The following FOXP1 variants were observed in gnomAD, a reference collection of about 807,000 sequenced individuals.
FOXP1 encodes the protein forkhead box protein P1.
In FOXP1, 15 loss-of-function variants were observed where a neutral mutation model predicts 98.2. That is an observed-to-expected ratio of 0.15 (90% CI 0.10 to 0.24). The LOEUF is 0.24. FOXP1 is among the 10% of genes least tolerant of loss of function. The pLI is 1.00. For synonymous variants in FOXP1, 371 were observed against 314.5 expected (o/e 1.18, Z -1.90); for missense variants, 633 against 848.5 (o/e 0.75, Z 3.15).
chr3:71,409,447 T>C (rs1325511345), intron 3 of FOXP1, among the ~76,000 whole-genome samples: 1 of 152,174 alleles, frequency 6.6e-6, no homozygotes, highest in African/African-American at 2.4e-5. Flanking sequence ...AATGAATGAA[T>C]ATGCTAATAC....
chr3:71,277,557 C>T (rs934820899), intron 5 of FOXP1, among the ~76,000 whole-genome samples: 2 of 152,114 alleles, frequency 1.3e-5, no homozygotes, highest in Non-Finnish European at 2.9e-5. Context: ...TTGCCACATG[C>T]ATCAGTCTGA....
Position 71,577,755 on chromosome 3 carries a change from T to A in FOXP1, c.-298+3794A>T, listed in dbSNP as rs114611672. On this transcript the variant is annotated intron_variant, in intron 2 of 20. Transcript: ENST00000649528. ...CTGGCTTGTCTCACAAACTCAATGT[T>A]TGATCACCTGGTGGGACTAACTACC... 6.6e-3 allele frequency among the ~76,000 whole-genome samples: 1,007 copies of A among 152,162 alleles called. 12 individuals are homozygous for A. The highest frequency in any genetic ancestry group is 0.024 in the African/African-American group (983 of 41,508).
chr3:71,151,028 G>A (rs781193693), intron 6 of FOXP1, among the ~76,000 whole-genome samples: 31 of 152,130 alleles, frequency 2.0e-4, no homozygotes, highest in Non-Finnish European at 4.0e-4. Context: ...CAATATTCCA[G>A]CTGCTTACCT....
intron 11 of FOXP1, among the ~76,000 whole-genome samples, chr3:71,020,663 C>T (rs137942058): frequency 2.0e-5 from 3 of 152,196 alleles, no homozygotes; most frequent in African/African-American, 7.2e-5. Flanking sequence ...TTGCTATCTG[C>T]CAAGCCATTT....
intron 2 of FOXP1, chr3:71,542,143 A>G (rs2044889465): frequency 2.3e-6 from 1 of 440,054 alleles, no homozygotes; most frequent in African/African-American, 2.1e-5. Flanking sequence ...ATGGCTCAAC[A>G]ATGAACATTT....
At chr3:70,988,916 AC>A (rs2040181600) in intron 13 of FOXP1, among the ~76,000 whole-genome samples, 1 of 152,160 alleles carries the variant, frequency 6.6e-6, no homozygotes, top group Non-Finnish European at 1.5e-5. Flanking sequence ...AGTCAAGAGA[AC>A]AGCTGTGGCA....
chr3:71,582,789 G>A (rs1327556824), intron 1 of FOXP1: 4 of 985,134 alleles, frequency 4.1e-6, no homozygotes, highest in African/African-American at 1.7e-5. Flanking sequence ...GGGGTGCGCA[G>A]GTGCGTGTTT....
intron 3 of FOXP1, among the ~76,000 whole-genome samples, chr3:71,418,351 G>A (rs541977148): frequency 7.9e-5 from 12 of 152,188 alleles, no homozygotes; most frequent in South Asian, 4.2e-4. Context: ...GTGACAGGGC[G>A]ACCACAGAAA....
chr3:71,184,695 G>A (rs934524724), intron 6 of FOXP1, among the ~76,000 whole-genome samples: 1 of 150,852 alleles, frequency 6.6e-6, no homozygotes, highest in East Asian at 1.9e-4. Flanking sequence ...AAGCCTAAGA[G>A]TATTTGTCAA....
chr3:71,393,450 A>ATAG (rs2081175572), intron 3 of FOXP1, among the ~76,000 whole-genome samples: 2 of 152,138 alleles, frequency 1.3e-5, no homozygotes, highest in South Asian at 4.2e-4. Context: ...AATTTTATGT[A>ATAG]TACTTGCCTC....
chr3:71,529,090 C>A (rs1238473327), intron 2 of FOXP1, among the ~76,000 whole-genome samples: 2 of 152,106 alleles, frequency 1.3e-5, no homozygotes, highest in African/African-American at 4.8e-5. Flanking sequence ...AAAAGAAAAC[C>A]AAAAGTCAAA....
chr3:71,264,043 AC>A, intron 5 of FOXP1, among the ~76,000 whole-genome samples: 1 of 151,998 alleles, frequency 6.6e-6, no homozygotes, highest in East Asian at 1.9e-4. Flanking sequence ...GAGCCATTGC[AC>A]CCAGCCAGGA....
At chr3:71,322,515 T>C (rs1334764842) in intron 4 of FOXP1, among the ~76,000 whole-genome samples, 1 of 151,646 alleles carries the variant, frequency 6.6e-6, no homozygotes, top group Non-Finnish European at 1.5e-5. Context: ...GCAGAAGAGG[T>C]TTTCTCATGG....
intron 3 of FOXP1, among the ~76,000 whole-genome samples, chr3:71,402,809 G>T (rs2082036871): frequency 6.6e-6 from 1 of 152,174 alleles, no homozygotes; most frequent in Non-Finnish European, 1.5e-5. Context: ...TGTTTTATTT[G>T]TTTTAAATAT....
intron 2 of FOXP1, among the ~76,000 whole-genome samples, chr3:71,521,858 G>A (rs922889555): frequency 3.3e-5 from 5 of 152,194 alleles, no homozygotes; most frequent in Admixed American, 3.3e-4. Context: ...CCTAGGCAGG[G>A]GGAACTGCTC....
At chr3:71,141,112 C>CA (rs1286599853) in intron 6 of FOXP1, among the ~76,000 whole-genome samples, 1 of 151,484 alleles carries the variant, frequency 6.6e-6, no homozygotes, top group Non-Finnish European at 1.5e-5. Flanking sequence ...ACTAAAATTA[C>CA]AAAAAATTAG....
intron 3 of FOXP1, among the ~76,000 whole-genome samples, chr3:71,466,595 C>T (rs1450835883): frequency 6.6e-6 from 1 of 151,822 alleles, no homozygotes; most frequent in Non-Finnish European, 1.5e-5. Context: ...ATTTTTTTTT[C>T]CTTCCTCTTC....
intron 4 of FOXP1, among the ~76,000 whole-genome samples, chr3:71,302,306 A>G (rs2107573053): frequency 6.6e-6 from 1 of 152,332 alleles, no homozygotes; most frequent in Non-Finnish European, 1.5e-5. Context: ...CTGCCTCATT[A>G]CTAGCTTAGA....
intron 3 of FOXP1, among the ~76,000 whole-genome samples, chr3:71,425,095 GT>G (rs35605533): frequency 2.0e-5 from 3 of 150,968 alleles, no homozygotes; most frequent in South Asian, 2.1e-4. Flanking sequence ...TCATTTTCCT[GT>G]TTTTTTTTGT....
Sources: allele counts gnomAD v4.1 joint callset (sites outside exome capture counted in the v4.1 genomes callset), GRCh38; gene constraint gnomAD v4.1.1; transcripts MANE v1.5; gene names NCBI Gene and HGNC (gene_info 2026-07-23, HGNC 2026-07-21).